Variants in CFAP54 observed in about 807,000 individuals in gnomAD.
CFAP54 encodes cilia and flagella associated protein 54, also known as cilia- and flagella-associated protein 54.
In CFAP54, 290 loss-of-function variants were observed where a neutral mutation model predicts 370.4. The observed-to-expected ratio is 0.78, with a 90% confidence interval of 0.71 to 0.86. The LOEUF is 0.86. Among genes scored for constraint, CFAP54 ranks in the 40% least tolerant of loss-of-function variants. The pLI, the probability that CFAP54 is intolerant of heterozygous loss-of-function variation, is 0.00. For missense variants in CFAP54, 3,399 were observed against 3,528.7 expected, an observed-to-expected ratio of 0.96 and a Z score of 0.93; for synonymous variants, 1,206 against 1,236.5, an observed-to-expected ratio of 0.98 and a Z score of 0.52.
intron 32 of CFAP54, among the ~76,000 whole-genome samples, chr12:96,643,752 A>G (rs1956760074): frequency 6.6e-6 from 1 of 152,202 alleles, no homozygotes; most frequent in Non-Finnish European, 1.5e-5. Flanking sequence ...AGTCTAACTA[A>G]TGTTAGACAA....
chr12:96,757,483 A>G lies in CFAP54; in HGVS notation c.7947-12A>G. ...GAAGCTATTTAATAAGTACAGTGCT[A>G]TATCATTTTAGATTGATAAGAGACT... On this transcript the variant is annotated splice_polypyrimidine_tract_variant and intron_variant, in intron 57 of 67. Transcript: ENST00000524981. 1.4e-6 allele frequency: 2 copies of G among 1,429,392 alleles called. No homozygotes were observed. Among genetic ancestry groups the G allele is most frequent in the South Asian group, 2.4e-5 (2 of 84,598 alleles). The allele number at this position is 1,429,392 out of a possible 1,614,324, so 88.5% of individuals were successfully genotyped here.
chr12:96,599,625 A>G (rs1379553513), intron 26 of CFAP54, among the ~76,000 whole-genome samples: 4 of 152,198 alleles, frequency 2.6e-5, no homozygotes, highest in Non-Finnish European at 5.9e-5. Context: ...ACTCCCATCA[A>G]CAGTGTAAAA....
At chr12:96,630,798 G>A in intron 32 of CFAP54, 147 bp downstream of exon 32, 1 of 429,268 alleles carries the variant, frequency 2.3e-6, no homozygotes. Flanking sequence ...AAAAAGCATA[G>A]TAAACAAGTA....
intron 24 of CFAP54, among the ~76,000 whole-genome samples, chr12:96,592,843 C>T (rs920843419): frequency 6.6e-6 from 1 of 152,078 alleles, no homozygotes; most frequent in African/African-American, 2.4e-5. Flanking sequence ...CAATTTATCT[C>T]TTTTCCCCCT....
At chr12:96,860,537 A>G (rs1959852850) in intron 66 of CFAP54, among the ~76,000 whole-genome samples, 1 of 152,214 alleles carries the variant, frequency 6.6e-6, no homozygotes, top group Non-Finnish European at 1.5e-5. Context: ...AAAGCGTTTT[A>G]TTAGGAGAAG....
intron 66 of CFAP54, among the ~76,000 whole-genome samples, chr12:96,846,344 C>T (rs1390393865): frequency 1.3e-5 from 2 of 152,282 alleles, no homozygotes; most frequent in Middle Eastern, 3.4e-3. Context: ...ACACCCTGTG[C>T]AGGTTATTGT....
intron 19 of CFAP54, among the ~76,000 whole-genome samples, chr12:96,568,118 C>T (rs1378619988): frequency 1.3e-5 from 2 of 149,166 alleles, no homozygotes; most frequent in Non-Finnish European, 3.0e-5. Context: ...TATTTTGTAG[C>T]ATTTCAAGTC....
intron 66 of CFAP54, among the ~76,000 whole-genome samples, chr12:96,839,937 A>G (rs1959201517): frequency 6.6e-6 from 1 of 152,202 alleles, no homozygotes; most frequent in Admixed American, 6.5e-5. Flanking sequence ...GAGCCTCACA[A>G]GAGAACGAAG....
intron 2 of CFAP54, among the ~76,000 whole-genome samples, chr12:96,502,396 T>TAAAAA (rs535053383): frequency 1.5e-5 from 1 of 68,594 alleles, no homozygotes; most frequent in Non-Finnish European, 2.6e-5. Context: ...ACACTGTCCC[T>TAAAAA]AAAAAAAAAA....
chr12:96,494,633 C>CA (rs1954927552), intron 1 of CFAP54, among the ~76,000 whole-genome samples: 4 of 151,998 alleles, frequency 2.6e-5, no homozygotes, highest in Non-Finnish European at 5.9e-5. Context: ...TTCTGATGAT[C>CA]ATATCCAAAG....
intron 65 of CFAP54, among the ~76,000 whole-genome samples, chr12:96,826,566 T>C (rs1223709333): frequency 9.2e-6 from 1 of 108,826 alleles, no homozygotes; most frequent in Non-Finnish European, 1.7e-5. Context: ...ATATATAATA[T>C]ATAATATAGA....
chr12:96,820,537 A>G (rs1408258118), intron 65 of CFAP54, among the ~76,000 whole-genome samples: 1 of 152,166 alleles, frequency 6.6e-6, no homozygotes, highest in Non-Finnish European at 1.5e-5. Context: ...TTCAGCATTT[A>G]TGACTTCTGT....
At chr12:96,742,642 GA>G (rs1958065577) in intron 52 of CFAP54, 56 bp downstream of exon 52, 3 of 1,475,986 alleles carry the variant, frequency 2.0e-6, no homozygotes, top group Non-Finnish European at 2.8e-6. Context: ...CATAGGTGAA[GA>G]GGGGTTTATT....
intron 39 of CFAP54, among the ~76,000 whole-genome samples, chr12:96,664,622 A>G (rs866119962): frequency 2.1e-4 from 24 of 115,242 alleles, no homozygotes; most frequent in East Asian, 4.8e-4. Context: ...CCAAGAACGT[A>G]TGTGTGTGTG....
At chr12:96,572,644 T>C (rs768436318) in intron 19 of CFAP54, among the ~76,000 whole-genome samples, 6 of 152,062 alleles carry the variant, frequency 3.9e-5, no homozygotes, top group Non-Finnish European at 7.4e-5. Context: ...AGAAAGAGAC[T>C]GGGAGAAAGG....
At chr12:96,831,580 G>A (rs1959171271) in intron 66 of CFAP54, among the ~76,000 whole-genome samples, 1 of 152,144 alleles carries the variant, frequency 6.6e-6, no homozygotes, top group Admixed American at 6.5e-5. Flanking sequence ...AGAGTGACAG[G>A]GAATGGGGTC....
chr12:96,616,280 C>A (rs1392863384), intron 26 of CFAP54, among the ~76,000 whole-genome samples: 1 of 151,864 alleles, frequency 6.6e-6, no homozygotes, highest in Non-Finnish European at 1.5e-5. Context: ...CCAAACACCA[C>A]ATATTCTCAC....
At chr12:96,806,467 A>G (rs1197938776) in intron 63 of CFAP54, among the ~76,000 whole-genome samples, 1 of 151,704 alleles carries the variant, frequency 6.6e-6, no homozygotes, top group Non-Finnish European at 1.5e-5. Context: ...GTCTACAAAT[A>G]AGAGATGTGG....
At chr12:96,778,112 G>T (rs551778364) in intron 60 of CFAP54, among the ~76,000 whole-genome samples, 1 of 152,298 alleles carries the variant, frequency 6.6e-6, no homozygotes, top group East Asian at 1.9e-4. Context: ...TATGAACTGA[G>T]TCTTTATGTT....
Sources: allele counts gnomAD v4.1 joint callset (sites outside exome capture counted in the v4.1 genomes callset), GRCh38; gene constraint gnomAD v4.1.1; transcripts MANE v1.5; gene names NCBI Gene and HGNC (gene_info 2026-07-23, HGNC 2026-07-21).